The following DISC1 variants were observed in gnomAD, a reference collection of about 807,000 sequenced individuals.
DISC1 encodes the protein DISC1 scaffold protein.
Under a neutral mutation model 84.5 loss-of-function variants are expected in DISC1, and 57 were observed. The observed-to-expected ratio is 0.67, with a 90% confidence interval of 0.55 to 0.84. The LOEUF (loss-of-function observed/expected upper bound fraction) is 0.84. DISC1 is among the 40% of genes least tolerant of loss of function. The pLI is 0.00. For missense variants in DISC1, 1,000 were observed against 1,057.8 expected (o/e 0.95, Z 0.76); for synonymous variants, 411 against 415.2 (o/e 0.99, Z 0.12).
At chr1:231,955,637 C>T (rs1258911941) in intron 9 of DISC1, among the ~76,000 whole-genome samples, 2 of 151,938 alleles carry the variant, frequency 1.3e-5, no homozygotes, top group African/African-American at 4.8e-5. Context: ...TTACAGGCAC[C>T]CACCACCACG....
chr1:231,948,634 T>G (rs1205174357), intron 9 of DISC1, among the ~76,000 whole-genome samples: 1 of 150,968 alleles, frequency 6.6e-6, no homozygotes, highest in African/African-American at 2.4e-5. Context: ...CCCAGGGACA[T>G]TTGGGCAGGA....
intron 10 of DISC1, among the ~76,000 whole-genome samples, chr1:231,978,079 T>G (rs184374545): frequency 2.6e-4 from 40 of 152,352 alleles, no homozygotes; most frequent in African/African-American, 8.4e-4. Flanking sequence ...TGTGGTTTTT[T>G]TTTTCCTGTA....
chr1:232,009,729 G>A lies in DISC1; in HGVS notation c.2307+680G>A, dbSNP rs1464732909. Reference sequence around the variant, plus strand: ...CACTTTCCTCCTCCCACCCTAACAAGAGTCTTTTCCATAAAAAGGCCCTAG... The same window carrying A: ...CACTTTCCTCCTCCCACCCTAACAAAAGTCTTTTCCATAAAAAGGCCCTAG... On this transcript the variant is annotated intron_variant, in intron 11 of 12. Coordinates refer to ENST00000439617, the MANE Select transcript of DISC1 (RefSeq NM_018662.3). This position sits in a 1 kb window ranked among gnomAD's most constrained non-coding sequence, Gnocchi z 4.6. 1.9e-6 allele frequency: 1 copy of A among 532,900 alleles called. No homozygotes were observed. The highest frequency in any genetic ancestry group is 2.1e-5 in the African/African-American group (1 of 48,206). 33.0% of individuals were successfully genotyped at this position (532,900 alleles called of 1,614,324 possible). A position where few individuals can be genotyped will look rare whatever the true frequency, so the allele number is the denominator to read the frequency against.
rs1670646534 is a variant in DISC1 at position 232,038,303 on chromosome 1, G to A, written c.*1472G>A. 1 of 152,092 alleles carries A rather than the reference G, an allele frequency of 6.6e-6. No homozygotes were observed. The highest frequency in any genetic ancestry group is 1.9e-4 in the East Asian group (1 of 5,194). 9.4% of individuals were successfully genotyped at this position (152,092 alleles called of 1,614,324 possible). A position where few individuals can be genotyped will look rare whatever the true frequency, so the allele number is the denominator to read the frequency against. On this transcript the variant is annotated 3_prime_UTR_variant, in exon 13 of 13. Coordinates refer to ENST00000439617, the MANE Select transcript of DISC1 (RefSeq NM_018662.3). ...AGGCTCCTGCTGGGCTGCTTCTTTG[G>A]CCCAGCTGGGACTCCTATTGAGACA... is the stretch of plus-strand genomic sequence containing the variant.
intron 11 of DISC1, among the ~76,000 whole-genome samples, chr1:232,024,837 G>A (rs1247487782): frequency 6.6e-6 from 1 of 151,954 alleles, no homozygotes; most frequent in Non-Finnish European, 1.5e-5. Flanking sequence ...TGATCCACCC[G>A]CCTCAGCCTC....
intron 9 of DISC1, among the ~76,000 whole-genome samples, chr1:231,867,318 G>A (rs1473855860): frequency 1.3e-5 from 2 of 152,202 alleles, no homozygotes; most frequent in Non-Finnish European, 1.5e-5. Flanking sequence ...TAATTGTTTA[G>A]CATGCAACGG....
chr1:231,730,004 A>G (rs2071303516), intron 3 of DISC1, among the ~76,000 whole-genome samples: 1 of 152,224 alleles, frequency 6.6e-6, no homozygotes, highest in African/African-American at 2.4e-5. Context: ...TAAAAAAACA[A>G]TTATGTCTTA....
intron 9 of DISC1, among the ~76,000 whole-genome samples, chr1:231,833,159 TTTAG>T (rs1411283236): frequency 6.7e-6 from 1 of 150,090 alleles, no homozygotes; most frequent in Non-Finnish European, 1.5e-5. Flanking sequence ...AAGCAGATAA[TTTAG>T]TTAAAGTGTC....
chr1:231,795,024 A>G (rs2078649066), intron 6 of DISC1, among the ~76,000 whole-genome samples: 1 of 152,160 alleles, frequency 6.6e-6, no homozygotes, highest in Admixed American at 6.5e-5. Flanking sequence ...TAAAATTGTA[A>G]TACTAGCTTT....
chr1:231,664,476 T>A (rs1266863032), intron 1 of DISC1, among the ~76,000 whole-genome samples: 1 of 152,146 alleles, frequency 6.6e-6, no homozygotes, highest in Non-Finnish European at 1.5e-5. Flanking sequence ...AAGTTAAGGA[T>A]CTTTAGATGG....
intron 10 of DISC1, among the ~76,000 whole-genome samples, chr1:231,968,262 A>G (rs1174617607): frequency 6.6e-6 from 1 of 152,154 alleles, no homozygotes; most frequent in Non-Finnish European, 1.5e-5. Flanking sequence ...GCAGAGTTCC[A>G]TCTTCTAGAA....
chr1:232,009,523 T>G lies in DISC1; in HGVS notation c.2307+474T>G. On this transcript the variant is annotated intron_variant, in intron 11 of 12. Transcript: ENST00000439617. The surrounding 1 kb of genome is among the most constrained non-coding windows in gnomAD (Gnocchi z 4.6). The stretch of plus-strand genomic sequence containing the variant: ...TATTTGAATGAAACATTCAAATATA[T>G]GTATTTATCCCATTAATTGTTTTTA... The G allele has an allele frequency of 3.8e-6, 3 of 796,898 alleles. No homozygotes were observed. Among genetic ancestry groups the G allele is most frequent in the East Asian group, 1.3e-4 (1 of 7,904 alleles). The allele number at this position is 796,898 out of a possible 1,614,324, so 49.4% of individuals were successfully genotyped here. A position where few individuals can be genotyped will look rare whatever the true frequency, so the allele number is the denominator to read the frequency against.
chr1:232,014,996 T>C (rs1343047821), intron 11 of DISC1, among the ~76,000 whole-genome samples: 2 of 152,170 alleles, frequency 1.3e-5, no homozygotes, highest in Non-Finnish European at 2.9e-5. Flanking sequence ...ACTTGACCAA[T>C]AGAAACAGAA....
chr1:231,696,176 T>A (rs2065674518), intron 2 of DISC1, among the ~76,000 whole-genome samples: 1 of 152,238 alleles, frequency 6.6e-6, no homozygotes. Context: ...GCCCTCTCAG[T>A]CCTACTGCTA....
chr1:231,947,380 G>A (rs1043989823), intron 9 of DISC1, among the ~76,000 whole-genome samples: 4 of 152,180 alleles, frequency 2.6e-5, no homozygotes, highest in Non-Finnish European at 4.4e-5. Context: ...TTAACAAATG[G>A]TGTTGGGAAA....
At chr1:231,890,983 A>G (rs1357676400) in intron 9 of DISC1, among the ~76,000 whole-genome samples, 7 of 152,100 alleles carry the variant, frequency 4.6e-5, no homozygotes, top group African/African-American at 1.4e-4. Flanking sequence ...GTCTCTCACC[A>G]TCTGTTTGAT....
rs2086500219 is a variant in DISC1 at position 231,884,209 on chromosome 1, TG to T, written c.1981+65694del. Among the ~76,000 whole-genome samples the T allele has an allele frequency of 2.0e-5, 3 of 152,290 alleles. No homozygotes were observed. The South Asian group carries it at 6.2e-4, about 32-fold the overall frequency. On this transcript the variant is annotated intron_variant, in intron 9 of 12. Coordinates refer to ENST00000439617, the MANE Select transcript of DISC1 (RefSeq NM_018662.3). ...AGTGTGAGAGAACCCAGCTCTTTTTTGGACAATTTTGCATCTGACTCATTGT... is the reference window on the plus strand; with the variant it reads ...AGTGTGAGAGAACCCAGCTCTTTTTTGACAATTTTGCATCTGACTCATTGT...
At position 232,008,987 on chromosome 1, in the gene DISC1, T is replaced by G; in HGVS notation, c.2245T>G (p.Leu749Val). ...EDKRKTPLKV[L>V]EEWKTHLIPS... is the part of the protein sequence containing the mutation. ...TAAAAGGAAGACCCCTTTGAAGGTA[T>G]TGGAAGAATGGAAGACTCACCTCAT... Residue 749 changes from leucine (L) to valine (V), a missense_variant, in exon 11 of 13, where the codon TTG becomes GTG. Around this residue, in one of 3 missense-constraint regions of DISC1, gnomAD observed 397 missense variants for 377.5 expected, o/e 1.05. Transcript: ENST00000439617. 6.2e-7 allele frequency: 1 copy of G among 1,613,782 alleles called. No homozygotes were observed. The highest frequency in any genetic ancestry group is 1.7e-4 in the Middle Eastern group (1 of 6,060).
chr1:232,028,853 C>G (rs1007031040), intron 12 of DISC1, among the ~76,000 whole-genome samples: 1 of 152,102 alleles, frequency 6.6e-6, no homozygotes, highest in African/African-American at 2.4e-5. Context: ...TCCACAGTGG[C>G]TTAGATGAAA....
Sources: allele counts gnomAD v4.1 joint callset (sites outside exome capture counted in the v4.1 genomes callset), GRCh38; gene constraint gnomAD v4.1.1; regional missense constraint gnomAD v4.1.1; non-coding constraint Gnocchi (gnomAD v3.1); transcripts MANE v1.5; gene names NCBI Gene and HGNC (gene_info 2026-07-23, HGNC 2026-07-21).